Variants in FSTL4 observed in about 807,000 individuals in gnomAD.
FSTL4 encodes follistatin-related protein 4.
A neutral mutation model predicts 78.2 loss-of-function variants in FSTL4; 28 were observed. That is an observed-to-expected ratio of 0.36 (90% CI 0.27 to 0.49). The LOEUF is 0.49. Among genes scored for constraint, FSTL4 ranks in the 20% least tolerant of loss-of-function variants. The pLI, the probability that FSTL4 is intolerant of heterozygous loss-of-function variation, is 0.98. For synonymous variants in FSTL4, 422 were observed against 440.5 expected, an observed-to-expected ratio of 0.96 and a Z score of 0.53; for missense variants, 922 against 1,084.9, an observed-to-expected ratio of 0.85 and a Z score of 2.11.
chr5:133,822,869 A>G, the FSTL4 span, among the ~76,000 whole-genome samples: 1 of 152,138 alleles, frequency 6.6e-6, no homozygotes, highest in African/African-American at 2.4e-5. Context: ...GATATGTGGG[A>G]AGGAAATGTG....
rs189612033 is a variant in FSTL4, at chr5:133,533,323, A to C, written c.160+33863T>G. 2.9e-3 allele frequency among the ~76,000 whole-genome samples: 445 copies of C among 152,302 alleles called. 2 individuals carry two copies. Among genetic ancestry groups the C allele is most frequent in the African/African-American group, 0.011 (440 of 41,556 alleles). ...AAGTGATGTGATCTCTGCTCACTAT[A>C]GCCTCAAACTCCCTGGAATCAGGTG... On this transcript the variant is annotated intron_variant, in intron 3 of 15. Transcript: ENST00000265342.
At chr5:133,205,384 TGC>T (rs1168181649) in intron 14 of FSTL4, among the ~76,000 whole-genome samples, 2 of 53,046 alleles carry the variant, frequency 3.8e-5, no homozygotes, top group Non-Finnish European at 4.9e-5. Context: ...TCTTTTTCTT[TGC>T]GTGTGTGTGT....
intron 3 of FSTL4, among the ~76,000 whole-genome samples, chr5:133,474,929 G>A (rs1435117664): frequency 6.6e-6 from 1 of 152,206 alleles, no homozygotes; most frequent in Non-Finnish European, 1.5e-5. Flanking sequence ...GCCTCACAGT[G>A]TTCGCGGGGA....
At chr5:133,666,406 C>T in the FSTL4 span, among the ~76,000 whole-genome samples, 1 of 152,064 alleles carries the variant, frequency 6.6e-6, no homozygotes, top group Non-Finnish European at 1.5e-5. Context: ...TTTTATTGTT[C>T]CCTATTCCCT....
chr5:133,375,269 C>A (rs1325730105), intron 4 of FSTL4, among the ~76,000 whole-genome samples: 11 of 51,228 alleles, frequency 2.1e-4, no homozygotes, highest in South Asian at 1.4e-3. Context: ...GAAAAAAAAC[C>A]CAAAACATAG....
At chr5:133,525,469 A>C (rs1035208873) in intron 3 of FSTL4, among the ~76,000 whole-genome samples, 5 of 152,198 alleles carry the variant, frequency 3.3e-5, no homozygotes, top group Admixed American at 6.5e-5. Flanking sequence ...GGTGTTCCCC[A>C]GCTCTGGATC....
chr5:133,726,071 T>A, the FSTL4 span, among the ~76,000 whole-genome samples: 1 of 152,270 alleles, frequency 6.6e-6, no homozygotes, highest in East Asian at 1.9e-4. Context: ...CGCTGGGTGA[T>A]CCTGCTGACT....
chr5:133,579,350 C>G lies in FSTL4; in HGVS notation c.127-12131G>C, dbSNP rs6596131. On this transcript the variant is annotated intron_variant, in intron 2 of 15. Coordinates refer to ENST00000265342, the MANE Select transcript of FSTL4 (RefSeq NM_015082.2). ...CGGAACATACTGACTGTCACTGAAGCCTGACGTGCTCTATTTTTCCTTTTG... is the reference window on the plus strand; with the variant it reads ...CGGAACATACTGACTGTCACTGAAGGCTGACGTGCTCTATTTTTCCTTTTG... Among the ~76,000 whole-genome samples, 1,453 of 152,278 alleles carry G rather than the reference C, an allele frequency of 9.5e-3. 19 individuals carry two copies. Among genetic ancestry groups the G allele is most frequent in the African/African-American group, 0.033 (1,357 of 41,558 alleles).
chr5:133,594,740 A>G (rs1313961083), intron 2 of FSTL4, among the ~76,000 whole-genome samples: 1 of 152,240 alleles, frequency 6.6e-6, no homozygotes, highest in African/African-American at 2.4e-5. Context: ...TCTTTTCTAT[A>G]GAGACCAAAG....
chr5:133,571,535 A>G (rs1323189355), intron 2 of FSTL4, among the ~76,000 whole-genome samples: 2 of 152,204 alleles, frequency 1.3e-5, no homozygotes, highest in African/African-American at 4.8e-5. Flanking sequence ...AAAATAGGAG[A>G]AAAGATGCTG....
At chr5:133,622,730 A>G in the FSTL4 span, among the ~76,000 whole-genome samples, 721 of 152,258 alleles carry the variant, frequency 4.7e-3, 7 homozygotes, top group African/African-American at 0.016. Context: ...TTGGTGAAAT[A>G]TCTCTTCATT....
At chr5:133,207,128 C>T (rs769884463) in intron 14 of FSTL4, among the ~76,000 whole-genome samples, 22 of 151,650 alleles carry the variant, frequency 1.5e-4, no homozygotes, top group Non-Finnish European at 2.8e-4. Context: ...TTCTATTTGA[C>T]TGATGAAAGG....
chr5:133,253,199 C>T (rs1417518950), intron 6 of FSTL4, among the ~76,000 whole-genome samples: 4 of 152,228 alleles, frequency 2.6e-5, no homozygotes, highest in East Asian at 3.8e-4. Context: ...CTCCCCCTGG[C>T]GGGTCCTCCT....
chr5:133,455,833 T>A (rs951986719), intron 3 of FSTL4, among the ~76,000 whole-genome samples: 1 of 152,220 alleles, frequency 6.6e-6, no homozygotes, highest in African/African-American at 2.4e-5. Flanking sequence ...CCTGAGGACA[T>A]GGACTTCTGC....
the FSTL4 span, among the ~76,000 whole-genome samples, chr5:133,751,011 C>A: frequency 6.6e-6 from 1 of 152,154 alleles, no homozygotes; most frequent in African/African-American, 2.4e-5. Context: ...TTCACCCTCC[C>A]TGTCCCCCCA....
chr5:133,285,399 T>C (rs115749955), intron 6 of FSTL4, among the ~76,000 whole-genome samples: 4,621 of 152,304 alleles, frequency 0.03, 91 homozygotes, highest in Non-Finnish European at 0.048. Context: ...AGGTGCCAGC[T>C]GGCTGGGACC....
the FSTL4 span, among the ~76,000 whole-genome samples, chr5:133,725,698 G>T: frequency 6.6e-6 from 1 of 152,170 alleles, no homozygotes; most frequent in African/African-American, 2.4e-5. Context: ...ACCAATATAA[G>T]GGGTTGTTAT....
the FSTL4 span, among the ~76,000 whole-genome samples, chr5:133,711,572 A>G: frequency 6.6e-6 from 1 of 152,246 alleles, no homozygotes; most frequent in Non-Finnish European, 1.5e-5. Context: ...TCAGAACTCC[A>G]GAAAGAAAGG....
the FSTL4 span, among the ~76,000 whole-genome samples, chr5:133,742,917 G>A: frequency 6.6e-6 from 1 of 152,132 alleles, no homozygotes; most frequent in African/African-American, 2.4e-5. Context: ...CGTCTTTCAG[G>A]CAGATCTACC....
Sources: allele counts gnomAD v4.1 joint callset (sites outside exome capture counted in the v4.1 genomes callset), GRCh38; gene constraint gnomAD v4.1.1; transcripts MANE v1.5; gene names NCBI Gene and HGNC (gene_info 2026-07-23, HGNC 2026-07-21).